The following ELMOD3 variants were observed in gnomAD, a reference collection of about 807,000 sequenced individuals.
ELMOD3 encodes ELMO domain containing 3, also known as ELMO domain-containing protein 3.
Under a neutral mutation model 47.4 loss-of-function variants are expected in ELMOD3, and 36 were observed. The observed-to-expected ratio is 0.76, with a 90% CI of 0.58 to 1.00. ELMOD3 has a LOEUF of 1.00. ELMOD3 is among the 50% of genes least tolerant of loss of function. The pLI, the probability that ELMOD3 is intolerant of heterozygous loss-of-function variation, is 0.00. For synonymous variants in ELMOD3, 149 were observed against 183.5 expected, an observed-to-expected ratio of 0.81 and a Z score of 1.52; for missense variants, 404 against 463.8, an observed-to-expected ratio of 0.87 and a Z score of 1.18.
chr2:85,365,775 A>C (rs1168545521), intron 6 of ELMOD3, among the ~76,000 whole-genome samples: 2 of 152,134 alleles, frequency 1.3e-5, no homozygotes, highest in Non-Finnish European at 2.9e-5. Context: ...TGGCTCACAG[A>C]CTTTGATCAA....
rs777757339 is a variant in ELMOD3 at position 85,375,082 on chromosome 2, C to CA, written c.608-2248dup. 1.7e-3 allele frequency among the ~76,000 whole-genome samples: 228 copies of CA among 134,996 alleles called. 3 individuals carry two copies. The Middle Eastern group carries it at 0.023, about 14-fold the overall frequency. 88.6% of individuals were successfully genotyped at this position (134,996 alleles called of 152,430 possible). A position where few individuals can be genotyped will look rare whatever the true frequency, so the allele number is the denominator to read the frequency against. The stretch of plus-strand genomic sequence containing the variant: ...TGGGCGACAGAGCGAGATTCCATCT[C>CA]AAAAAAAAAAAAAATCTTTGCTTTG... On this transcript the variant is annotated intron_variant, in intron 10 of 13. Transcript: ENST00000409013.
intron 11 of ELMOD3, among the ~76,000 whole-genome samples, chr2:85,380,413 T>C (rs1311554303): frequency 1.3e-5 from 2 of 152,228 alleles, no homozygotes; most frequent in African/African-American, 4.8e-5. Flanking sequence ...TTCATGAACA[T>C]TTTAGCTCTC....
At chr2:85,356,707 C>G (rs1683587559) in intron 3 of ELMOD3, 1 of 152,522 alleles carries the variant, frequency 6.6e-6, no homozygotes, top group South Asian at 2.1e-4. Flanking sequence ...ATAGTGAAAC[C>G]CCATCTCTAC....
At chr2:85,359,152 A>G (rs969795624) in intron 4 of ELMOD3, among the ~76,000 whole-genome samples, 1 of 152,210 alleles carries the variant, frequency 6.6e-6, no homozygotes, top group Non-Finnish European at 1.5e-5. Context: ...AAACAGTATG[A>G]CAAAGAATCA....
chr2:85,373,957 T>G (rs1003110600), intron 10 of ELMOD3, among the ~76,000 whole-genome samples: 13 of 151,446 alleles, frequency 8.6e-5, no homozygotes, highest in African/African-American at 7.3e-5. Flanking sequence ...AGGACTTCCT[T>G]TAGTTATTCT....
chr2:85,373,287 G>T (rs1189508096), intron 10 of ELMOD3, among the ~76,000 whole-genome samples: 1 of 152,094 alleles, frequency 6.6e-6, no homozygotes. Flanking sequence ...GAAACTTTAT[G>T]TACCCCTAAT....
Position 85,390,768 on chromosome 2 carries a change from G to GT in ELMOD3, c.953dup (p.Leu319IlefsTer49). 2 of 1,551,078 alleles carry GT rather than the reference G, an allele frequency of 1.3e-6. No homozygotes were observed. Among genetic ancestry groups the GT allele is most frequent in the Non-Finnish European group, 1.7e-6 (2 of 1,146,996 alleles). On this transcript the variant is annotated frameshift_variant, in exon 14 of 14. Transcript: ENST00000409013. LOFTEE classifies it low-confidence loss of function (END_TRUNC). ...AATTCTCTCTGTTGCAGAGTTGGAAGTATTGGCCAAGAAGAGCCCACGGCG... is the reference window on the plus strand; with the variant it reads ...AATTCTCTCTGTTGCAGAGTTGGAAGTTATTGGCCAAGAAGAGCCCACGGCG...
intron 6 of ELMOD3, chr2:85,368,263 G>A: frequency 5.7e-6 from 1 of 174,086 alleles, no homozygotes; most frequent in Admixed American, 5.6e-5. Context: ...AGGATCAGAG[G>A]GTGTTAAGAT....
intron 11 of ELMOD3, among the ~76,000 whole-genome samples, chr2:85,385,605 C>T (rs1685866071): frequency 1.3e-5 from 2 of 152,092 alleles, no homozygotes; most frequent in Admixed American, 1.3e-4. Flanking sequence ...TTTATACGTA[C>T]AGGTTTGGGC....
intron 11 of ELMOD3, among the ~76,000 whole-genome samples, chr2:85,380,563 C>T (rs112521275): frequency 0.012 from 1,721 of 137,784 alleles, 32 homozygotes; most frequent in African/African-American, 0.041. Context: ...CTTGCTCTGT[C>T]GCGCAGGGTG....
rs185277544 is a variant in ELMOD3 at position 85,360,542 on chromosome 2, A to G, written c.55-1644A>G. Among the ~76,000 whole-genome samples, 201 of 152,122 alleles carry G rather than the reference A, an allele frequency of 1.3e-3. 3 individuals are homozygous for G. Among genetic ancestry groups the G allele is most frequent in the Non-Finnish European group, 1.8e-4 (12 of 67,954 alleles). ...CTAATTTTTGTACTTTTTAGTAGAC[A>G]TTGGGTTTCACCATGTTGGCCAGGC... On this transcript the variant is annotated intron_variant, in intron 4 of 13. Coordinates refer to ENST00000409013, the MANE Select transcript of ELMOD3 (RefSeq NM_001135022.2).
intron 4 of ELMOD3, 31 bp downstream of exon 4, chr2:85,357,283 G>C: frequency 6.8e-7 from 1 of 1,475,350 alleles, no homozygotes; most frequent in Non-Finnish European, 9.4e-7. Context: ...GGGAAAGGTG[G>C]TGTTGGTTTG....
In ELMOD3 at chr2:85,355,113, CCTGT is replaced by C. The variant is rs1558687145; in HGVS notation, c.-330_-327del. 2.0e-5 allele frequency: 3 copies of C among 152,556 alleles called. No individual in the cohort carries two copies. Among genetic ancestry groups the C allele is most frequent in the African/African-American group, 7.2e-5 (3 of 41,450 alleles). 9.5% of individuals were successfully genotyped at this position (152,556 alleles called of 1,614,324 possible). A position where few individuals can be genotyped will look rare whatever the true frequency, so the allele number is the denominator to read the frequency against. ...TTCTGTCCAAAGGCTGCTCACAGCC[CCTGT>C]CTGACTGGTTGTCATGATGAATTGA... is the stretch of plus-strand genomic sequence containing the variant. On this transcript the variant is annotated 5_prime_UTR_variant, in exon 2 of 14. The change creates a premature stop within an existing upstream ORF in the 5' untranslated region. Transcript: ENST00000409013.
In ELMOD3 at chr2:85,379,228, G is replaced by A. The variant is rs139505142; in HGVS notation, c.738+1754G>A. On this transcript the variant is annotated intron_variant, in intron 11 of 13. Coordinates refer to ENST00000409013, the MANE Select transcript of ELMOD3 (RefSeq NM_001135022.2). ...TGTTTTGTTTTGTTTTTTTGGAGACGGAGTCTCGCTGTGTCCTGTTGCCCA... is the reference window on the plus strand; with the variant it reads ...TGTTTTGTTTTGTTTTTTTGGAGACAGAGTCTCGCTGTGTCCTGTTGCCCA... 1.7e-3 allele frequency among the ~76,000 whole-genome samples: 262 copies of A among 152,150 alleles called. 3 individuals carry two copies. Among genetic ancestry groups the A allele is most frequent in the African/African-American group, 6.0e-3 (250 of 41,518 alleles).
At chr2:85,365,367 T>A (rs1684311114) in intron 6 of ELMOD3, among the ~76,000 whole-genome samples, 1 of 150,472 alleles carries the variant, frequency 6.6e-6, no homozygotes, top group Non-Finnish European at 1.5e-5. Flanking sequence ...AATATATATA[T>A]AATAAATAAA....
intron 10 of ELMOD3, among the ~76,000 whole-genome samples, chr2:85,374,267 A>G (rs931975515): frequency 6.6e-5 from 10 of 152,052 alleles, no homozygotes; most frequent in Non-Finnish European, 1.3e-4. Context: ...TTGGGAGGCC[A>G]AGGCAGGAGG....
intron 4 of ELMOD3, among the ~76,000 whole-genome samples, chr2:85,359,928 A>G (rs1038267016): frequency 2.3e-4 from 35 of 152,020 alleles, no homozygotes; most frequent in African/African-American, 8.2e-4. Flanking sequence ...CCATGGCTAC[A>G]TGGGCATGGT....
intron 11 of ELMOD3, among the ~76,000 whole-genome samples, chr2:85,387,828 T>C (rs1387178072): frequency 1.3e-5 from 2 of 152,188 alleles, no homozygotes; most frequent in East Asian, 3.8e-4. Flanking sequence ...ACTTAACAGT[T>C]CTGATTTAGT....
In ELMOD3 at chr2:85,371,148, G is replaced by A. The variant is rs199660149; in HGVS notation, c.423G>A (p.Gly141=). The A allele has an allele frequency of 2.1e-5, 34 of 1,614,244 alleles. No individual in the cohort carries two copies. The East Asian group carries it at 7.4e-4, about 35-fold the overall frequency. ...GLAALRHYLF[G]PPKLHQRLRE... is the part of the protein sequence containing the mutation. Reference sequence around the variant, plus strand: ...CCGCCCTCCGACACTACCTCTTCGGGCCTCCAAAGCTCCACCAGCGCCTTC... The same window carrying A: ...CCGCCCTCCGACACTACCTCTTCGGACCTCCAAAGCTCCACCAGCGCCTTC... Residue 141 remains glycine (G), a synonymous_variant, in exon 9 of 14, where the codon GGG becomes GGA. Coordinates refer to ENST00000409013, the MANE Select transcript of ELMOD3 (RefSeq NM_001135022.2).
Sources: allele counts gnomAD v4.1 joint callset (sites outside exome capture counted in the v4.1 genomes callset), GRCh38; gene constraint gnomAD v4.1.1; transcripts MANE v1.5; gene names NCBI Gene and HGNC (gene_info 2026-07-23, HGNC 2026-07-21).